PTGFRN: variants seen among roughly 807,000 people sequenced by gnomAD.
The protein encoded by PTGFRN is prostaglandin F2 receptor inhibitor, also known as prostaglandin F2 receptor negative regulator.
In PTGFRN, 35 loss-of-function variants were observed where a neutral mutation model predicts 83.2. The ratio of observed to expected loss-of-function variants is 0.42; its 90% confidence interval spans 0.32 to 0.56. The LOEUF is 0.56. Among genes scored for constraint, PTGFRN ranks in the 20% least tolerant of loss-of-function variants. The pLI, the probability that PTGFRN is intolerant of heterozygous loss-of-function variation, is 0.11. For synonymous variants in PTGFRN, 519 were observed against 498.6 expected, an observed-to-expected ratio of 1.04 and a Z score of -0.55; for missense variants, 1,051 against 1,179.5, an observed-to-expected ratio of 0.89 and a Z score of 1.60.
At chr1:116,915,477 T>A (rs549627079) in intron 1 of PTGFRN, among the ~76,000 whole-genome samples, 3 of 152,356 alleles carry the variant, frequency 2.0e-5, no homozygotes, top group African/African-American at 7.2e-5. Context: ...TCCTTGGCAC[T>A]TATTTTAGCC....
At chr1:116,933,275 T>C (rs550664619) in intron 1 of PTGFRN, among the ~76,000 whole-genome samples, 4 of 152,164 alleles carry the variant, frequency 2.6e-5, no homozygotes, top group South Asian at 4.2e-4. Context: ...CAGTCTTTCA[T>C]TTTTGTGGTT....
chr1:116,941,484 C>A lies in PTGFRN; in HGVS notation c.50-231C>A, dbSNP rs533320645. ...CCTGCTTTTAATGCTTATCTTCCTCCCTGTTGGTCCTGGGAAACTGGTTGT... is the reference window on the plus strand; with the variant it reads ...CCTGCTTTTAATGCTTATCTTCCTCACTGTTGGTCCTGGGAAACTGGTTGT... On this transcript the variant is annotated intron_variant, in intron 1 of 8. Transcript: ENST00000393203. This position sits in a 1 kb window ranked among gnomAD's most constrained non-coding sequence, Gnocchi z 5.0. Among the ~76,000 whole-genome samples the A allele has an allele frequency of 6.6e-6, 1 of 152,284 alleles. No homozygotes were observed. The highest frequency in any genetic ancestry group is 1.9e-4 in the East Asian group (1 of 5,186).
At chr1:116,951,662 C>CT (rs946047406) in intron 4 of PTGFRN, among the ~76,000 whole-genome samples, 8 of 150,376 alleles carry the variant, frequency 5.3e-5, no homozygotes, top group African/African-American at 1.2e-4. Flanking sequence ...CAATTGCATT[C>CT]TTTTTTTTTT....
At position 116,974,304 on chromosome 1, in the gene PTGFRN, G is replaced by A. The variant is rs142086076; in HGVS notation, c.2148G>A (p.Glu716=). The change falls in exon 7 of 9, where the codon GAG becomes GAA. Residue 716 remains glutamate, a synonymous_variant. Coordinates refer to ENST00000393203, the MANE Select transcript of PTGFRN (RefSeq NM_020440.4). ...LIKLFCIITV[E]GAALDPDDMA... is the part of the protein sequence containing the mutation. ...AATTGTTCTGTATCATCACTGTCGAGGGAGCAGCACTGGATCCAGGTACCT... is the reference window on the plus strand; with the variant it reads ...AATTGTTCTGTATCATCACTGTCGAAGGAGCAGCACTGGATCCAGGTACCT... 68 of 1,610,648 alleles carry A rather than the reference G, an allele frequency of 4.2e-5. No individual in the cohort carries two copies. The African/African-American group carries it at 7.2e-4, about 17-fold the overall frequency.
Position 116,986,791 on chromosome 1 carries a change from T to G in PTGFRN, c.2474-10T>G, listed in dbSNP as rs756993323. ...ACTGACTGGCTTCCCCTTTGATCTC[T>G]CCCTCCCAGTGCTGAACGCCTTCAA... is the stretch of plus-strand genomic sequence containing the variant. On this transcript the variant is annotated splice_polypyrimidine_tract_variant and intron_variant, in intron 8 of 8. Coordinates refer to ENST00000393203, the MANE Select transcript of PTGFRN (RefSeq NM_020440.4). 6.2e-6 allele frequency: 10 copies of G among 1,613,536 alleles called. No individual in the cohort carries two copies. Among genetic ancestry groups the G allele is most frequent in the Non-Finnish European group, 8.5e-6 (10 of 1,179,778 alleles).
chr1:116,970,424 G>A (rs1650961082), intron 6 of PTGFRN, among the ~76,000 whole-genome samples: 1 of 151,790 alleles, frequency 6.6e-6, no homozygotes, highest in Non-Finnish European at 1.5e-5. Flanking sequence ...CTTTATTTGT[G>A]TATTTGTTTT....
intron 7 of PTGFRN, among the ~76,000 whole-genome samples, chr1:116,978,185 T>A (rs998822622): frequency 8.5e-5 from 13 of 152,116 alleles, no homozygotes; most frequent in African/African-American, 3.1e-4. Context: ...AGAAGCGGAA[T>A]CCCTGAATAG....
rs950962445 is a variant in PTGFRN at position 116,909,979 on chromosome 1, C to T, written c.-225C>T. The T allele has an allele frequency of 8.6e-6, 5 of 584,696 alleles. No individual in the cohort carries two copies. The African/African-American group carries it at 9.9e-5, about 12-fold the overall frequency. 36.2% of individuals were successfully genotyped at this position (584,696 alleles called of 1,614,324 possible). On this transcript the variant is annotated 5_prime_UTR_variant, in exon 1 of 9. Coordinates refer to ENST00000393203, the MANE Select transcript of PTGFRN (RefSeq NM_020440.4). ...GGATCGGCGGGGCCGGCTCCCGGGC[C>T]CGGCCGGCTGGAGGAGGGAGGGAAG... is the stretch of plus-strand genomic sequence containing the variant.
intron 1 of PTGFRN, among the ~76,000 whole-genome samples, chr1:116,927,926 A>G (rs1649694722): frequency 6.6e-6 from 1 of 152,204 alleles, no homozygotes; most frequent in Admixed American, 6.5e-5. Flanking sequence ...CCTCCTTTCT[A>G]ATCTTGTTTG....
chr1:116,912,121 C>T (rs1649288213), intron 1 of PTGFRN, among the ~76,000 whole-genome samples: 2 of 152,122 alleles, frequency 1.3e-5, no homozygotes, highest in Non-Finnish European at 2.9e-5. Flanking sequence ...GGGGAGGGGG[C>T]AAAGAGAGAC....
At chr1:116,957,557 A>T (rs572706715) in intron 4 of PTGFRN, among the ~76,000 whole-genome samples, 1 of 152,162 alleles carries the variant, frequency 6.6e-6, no homozygotes. Context: ...ATATGTATAC[A>T]TTGTTGAATG....
chr1:116,986,672 T>C, intron 8 of PTGFRN, 129 bp from the exon 9 acceptor site: 1 of 832,218 alleles, frequency 1.2e-6, no homozygotes, highest in Non-Finnish European at 1.9e-6. Context: ...TGCTAGGTGC[T>C]AGATGCAGGA....
chr1:116,921,864 C>G (rs560458117), intron 1 of PTGFRN, among the ~76,000 whole-genome samples: 64 of 152,104 alleles, frequency 4.2e-4, no homozygotes, highest in Non-Finnish European at 6.3e-4. Context: ...TTGAAAAGTT[C>G]CATGGAGCAG....
chr1:116,966,097 C>G (rs1650822150), intron 5 of PTGFRN, among the ~76,000 whole-genome samples: 1 of 152,200 alleles, frequency 6.6e-6, no homozygotes, highest in South Asian at 2.1e-4. Flanking sequence ...AAGAATGTAT[C>G]TAATTCATTT....
At position 116,961,713 on chromosome 1, in the gene PTGFRN, T is replaced by C. The variant is rs376309813; in HGVS notation, c.1639+45T>C. ...TATTCATTTTTGTTTTGTCTTTGCTTAAGTCGTGCCGCTGTGTGTTGATGC... is the reference window on the plus strand; with the variant it reads ...TATTCATTTTTGTTTTGTCTTTGCTCAAGTCGTGCCGCTGTGTGTTGATGC... On this transcript the variant is annotated intron_variant, in intron 5 of 8. Transcript: ENST00000393203. This position sits in a 1 kb window ranked among gnomAD's most constrained non-coding sequence, Gnocchi z 5.4. 8.6e-5 allele frequency: 133 copies of C among 1,544,920 alleles called. No individual in the cohort carries two copies. Among genetic ancestry groups the C allele is most frequent in the Non-Finnish European group, 1.1e-4 (125 of 1,139,866 alleles).
At chr1:116,968,033 G>A (rs1650889137) in intron 6 of PTGFRN, among the ~76,000 whole-genome samples, 1 of 152,222 alleles carries the variant, frequency 6.6e-6, no homozygotes, top group Non-Finnish European at 1.5e-5. Context: ...CTCCCAAGGT[G>A]TTAAATGACT....
At chr1:116,954,516 C>T (rs1399062634) in intron 4 of PTGFRN, among the ~76,000 whole-genome samples, 1 of 152,206 alleles carries the variant, frequency 6.6e-6, no homozygotes, top group East Asian at 1.9e-4. Flanking sequence ...TGCAGCCATT[C>T]ATGTAATTAG....
rs551729451 is a variant in PTGFRN, at chr1:116,925,786, C to T, written c.49+15534C>T. Among the ~76,000 whole-genome samples the T allele has an allele frequency of 1.0e-3, 159 of 152,260 alleles. 1 individual carries two copies. The highest frequency in any genetic ancestry group is 8.7e-3 in the South Asian group (42 of 4,820). On this transcript the variant is annotated intron_variant, in intron 1 of 8. Coordinates refer to ENST00000393203, the MANE Select transcript of PTGFRN (RefSeq NM_020440.4). ...ACTGTTTCATCTTTATCGACTCTGA[C>T]GCTTGGCCAGGTGTTAGCTCATCAA...
At chr1:116,978,870 CA>C (rs1309009307) in intron 7 of PTGFRN, among the ~76,000 whole-genome samples, 1 of 151,858 alleles carries the variant, frequency 6.6e-6, no homozygotes, top group Admixed American at 6.6e-5. Flanking sequence ...AAGTTCTGGC[CA>C]GGGCAATCAG....
Sources: allele counts gnomAD v4.1 joint callset (sites outside exome capture counted in the v4.1 genomes callset), GRCh38; gene constraint gnomAD v4.1.1; non-coding constraint Gnocchi (gnomAD v3.1); transcripts MANE v1.5; gene names NCBI Gene and HGNC (gene_info 2026-07-23, HGNC 2026-07-21).